SLC8A3: variants seen among roughly 807,000 people sequenced by gnomAD.
SLC8A3 encodes the protein solute carrier family 8 member A3.
Under a neutral mutation model 65.4 loss-of-function variants are expected in SLC8A3, and 37 were observed. The observed-to-expected ratio is 0.57, with a 90% CI of 0.44 to 0.74. SLC8A3 has a LOEUF of 0.74. SLC8A3 is among the 30% of genes least tolerant of loss of function. The probability of loss-of-function intolerance (pLI) is 0.00; values close to 1 mark genes in which losing one functional copy is unlikely to be tolerated. For missense variants in SLC8A3, 1,112 were observed against 1,172.1 expected, an observed-to-expected ratio of 0.95 and a Z score of 0.75; for synonymous variants, 461 against 444.5, an observed-to-expected ratio of 1.04 and a Z score of -0.47.
intron 1 of SLC8A3, among the ~76,000 whole-genome samples, chr14:70,169,759 T>A (rs1235045372): frequency 6.6e-6 from 1 of 151,600 alleles, no homozygotes; most frequent in African/African-American, 2.4e-5. Context: ...AAAGGAATGC[T>A]GATTTGTGTT....
intron 1 of SLC8A3, among the ~76,000 whole-genome samples, chr14:70,183,799 AGCCC>A (rs1326248304): frequency 4.6e-5 from 7 of 152,238 alleles, no homozygotes; most frequent in Non-Finnish European, 8.8e-5. Context: ...CAGGACACAT[AGCCC>A]TCCTGTGCAA....
chr14:70,117,001 C>A (rs1893712840), intron 2 of SLC8A3, among the ~76,000 whole-genome samples: 1 of 152,240 alleles, frequency 6.6e-6, no homozygotes, highest in Non-Finnish European at 1.5e-5. Flanking sequence ...AGATGTCTTA[C>A]CACATAGCCT....
At chr14:70,054,724 A>G (rs988539928) in intron 3 of SLC8A3, among the ~76,000 whole-genome samples, 3 of 152,168 alleles carry the variant, frequency 2.0e-5, no homozygotes, top group Non-Finnish European at 4.4e-5. Context: ...TGTTTTTTCC[A>G]CAAAAGAAAA....
At position 70,045,671 on chromosome 14, in the gene SLC8A3, T is replaced by G; in HGVS notation, c.*276A>C. 6 of 324,538 alleles carry G rather than the reference T, an allele frequency of 1.8e-5. No individual in the cohort carries two copies. The highest frequency in any genetic ancestry group is 2.9e-5 in the Non-Finnish European group (5 of 174,686). 20.1% of individuals were successfully genotyped at this position (324,538 alleles called of 1,614,324 possible). ...TCTGACCTTTGCTTTGGGTCAGGGA[T>G]ATGAGGGGGAGATGGGGTGGAGGTG... On this transcript the variant is annotated 3_prime_UTR_variant, in exon 7 of 7. Coordinates refer to ENST00000356921, the MANE Select transcript of SLC8A3 (RefSeq NM_182932.3).
intron 2 of SLC8A3, among the ~76,000 whole-genome samples, chr14:70,149,855 C>A (rs1165727496): frequency 2.0e-5 from 3 of 152,210 alleles, no homozygotes; most frequent in Non-Finnish European, 4.4e-5. Flanking sequence ...CATCGGGATG[C>A]AGAGGAGTCA....
In SLC8A3 at chr14:70,048,724, A is replaced by G. The variant is rs531960874; in HGVS notation, c.2389+43T>C. 64 of 1,569,604 alleles carry G rather than the reference A, an allele frequency of 4.1e-5. No individual in the cohort carries two copies. In the South Asian group the frequency reaches 6.9e-4, roughly 17 times the overall value. Reference sequence around the variant, plus strand: ...ATGGAGTCCAGGGGTCATTTGAACCAGGTAAAATCCTCTTTGCAAATTCAA... The same window carrying G: ...ATGGAGTCCAGGGGTCATTTGAACCGGGTAAAATCCTCTTTGCAAATTCAA... On this transcript the variant is annotated intron_variant, in intron 6 of 6. Coordinates refer to ENST00000356921, the MANE Select transcript of SLC8A3 (RefSeq NM_182932.3).
intron 2 of SLC8A3, among the ~76,000 whole-genome samples, chr14:70,140,422 G>A (rs1400350006): frequency 6.6e-6 from 1 of 152,156 alleles, no homozygotes; most frequent in Non-Finnish European, 1.5e-5. Context: ...AGCCACACAA[G>A]AAGGGTTATC....
At chr14:70,147,993 G>T (rs79782142) in intron 2 of SLC8A3, among the ~76,000 whole-genome samples, 10,161 of 152,218 alleles carry the variant, frequency 0.067, 401 homozygotes, top group African/African-American at 0.1. Context: ...ACTCAGGATG[G>T]TTCGACCGAC....
rs932134797 is a variant in SLC8A3, at chr14:70,178,294, C to A, written c.-62-9810G>T. Among the ~76,000 whole-genome samples, 3 of 152,210 alleles carry A rather than the reference C, an allele frequency of 2.0e-5. No homozygotes were observed. In the South Asian group the frequency reaches 6.2e-4, roughly 32 times the overall value. On this transcript the variant is annotated intron_variant, in intron 1 of 6. Transcript: ENST00000356921. ...TCCTCAGTCTAGTCAAGGGAATAACCATTTGTGGATTCAATAGACCAGACT... is the reference window on the plus strand; with the variant it reads ...TCCTCAGTCTAGTCAAGGGAATAACAATTTGTGGATTCAATAGACCAGACT...
intron 3 of SLC8A3, among the ~76,000 whole-genome samples, chr14:70,056,423 G>A (rs1275339955): frequency 6.6e-6 from 1 of 152,122 alleles, no homozygotes; most frequent in Non-Finnish European, 1.5e-5. Flanking sequence ...TAGCTGCCAC[G>A]TTGACTAGAA....
At chr14:70,080,826 G>C (rs1890990385) in intron 2 of SLC8A3, among the ~76,000 whole-genome samples, 1 of 152,186 alleles carries the variant, frequency 6.6e-6, no homozygotes, top group Non-Finnish European at 1.5e-5. Flanking sequence ...ACTGTAGAAT[G>C]ATCCAGTGTT....
chr14:70,189,149 G>A (rs1477945685), upstream of SLC8A3: 2 of 152,274 alleles, frequency 1.3e-5, no homozygotes, highest in African/African-American at 4.8e-5. Context: ...CAGCAGCGAG[G>A]AAGTCGAGCC....
At chr14:70,123,274 T>C (rs1420129199) in intron 2 of SLC8A3, among the ~76,000 whole-genome samples, 4 of 151,744 alleles carry the variant, frequency 2.6e-5, no homozygotes, top group Admixed American at 2.6e-4. Context: ...ATACTCTCCA[T>C]GGTTAGAATT....
chr14:70,178,974 C>T (rs145359928), intron 1 of SLC8A3, among the ~76,000 whole-genome samples: 1,703 of 152,298 alleles, frequency 0.011, 25 homozygotes, highest in African/African-American at 0.038. Context: ...GACTTCTCAT[C>T]TAGCTTCTAA....
intron 1 of SLC8A3, among the ~76,000 whole-genome samples, chr14:70,176,410 C>T (rs993283475): frequency 6.6e-6 from 1 of 152,160 alleles, no homozygotes; most frequent in Non-Finnish European, 1.5e-5. Flanking sequence ...CTACTCCAGA[C>T]CTAAGTTTTG....
chr14:70,101,293 C>T (rs1892534318), intron 2 of SLC8A3, among the ~76,000 whole-genome samples: 1 of 152,012 alleles, frequency 6.6e-6, no homozygotes, highest in South Asian at 2.1e-4. Flanking sequence ...ACTGACTGAA[C>T]CAGGAATGGC....
At chr14:70,049,152 C>T (rs923333166) in intron 5 of SLC8A3, 110 bp from the exon 6 acceptor site, 3 of 1,102,078 alleles carry the variant, frequency 2.7e-6, no homozygotes, top group Non-Finnish European at 2.6e-6. Context: ...AAGGGGACTC[C>T]AGCTGTCTTC....
intron 2 of SLC8A3, among the ~76,000 whole-genome samples, chr14:70,138,989 G>A (rs1477472705): frequency 6.6e-6 from 1 of 152,230 alleles, no homozygotes; most frequent in African/African-American, 2.4e-5. Context: ...ATGTTGGATG[G>A]AACTTTTCCT....
intron 2 of SLC8A3, among the ~76,000 whole-genome samples, chr14:70,077,797 G>A (rs1042461040): frequency 1.3e-5 from 2 of 152,224 alleles, no homozygotes; most frequent in African/African-American, 4.8e-5. Flanking sequence ...ATTCTCCTGA[G>A]TGCTGTTCCT....
Sources: gnomAD v4.1 joint callset for allele counts (sites outside exome capture counted in the v4.1 genomes callset) on GRCh38, gnomAD v4.1.1 for gene constraint, MANE v1.5 for transcripts, NCBI Gene and HGNC (gene_info 2026-07-23, HGNC 2026-07-21) for gene names.